TUBGCP4: variants seen among roughly 807,000 people sequenced by gnomAD.
TUBGCP4 encodes tubulin gamma complex component 4, also known as gamma-tubulin complex component 4.
In TUBGCP4, 54 loss-of-function variants were observed where a neutral mutation model predicts 91.6. That is an observed-to-expected ratio of 0.59 (90% CI 0.47 to 0.74). TUBGCP4 has a LOEUF of 0.74. Among genes scored for constraint, TUBGCP4 ranks in the 30% least tolerant of loss-of-function variants. TUBGCP4 has a pLI of 0.00. For missense variants in TUBGCP4, 593 were observed against 800.9 expected (o/e 0.74, Z 3.13); for synonymous variants, 297 against 302.8 (o/e 0.98, Z 0.20).
intron 9 of TUBGCP4, among the ~76,000 whole-genome samples, chr15:43,392,485 G>C (rs2044492663): frequency 6.6e-6 from 1 of 151,840 alleles, no homozygotes; most frequent in Admixed American, 6.6e-5. Context: ...TCTGGTTTTT[G>C]TTTGTTTGTT....
At chr15:43,390,344 G>T (rs1254045148) in intron 9 of TUBGCP4, among the ~76,000 whole-genome samples, 1 of 151,748 alleles carries the variant, frequency 6.6e-6, no homozygotes, top group Non-Finnish European at 1.5e-5. Context: ...CATAAAACAG[G>T]TATTTCTTGT....
chr15:43,394,011 T>C (rs961646686), intron 9 of TUBGCP4: 11 of 152,150 alleles, frequency 7.2e-5, no homozygotes, highest in African/African-American at 2.4e-4. Context: ...TGTTGTCGAA[T>C]TTTGAGAGTC....
Position 43,407,932 on chromosome 15 carries a change from C to G in TUBGCP4, c.*2718C>G. 1 of 1,608,798 alleles carries G rather than the reference C, an allele frequency of 6.2e-7. No homozygotes were observed. The highest frequency in any genetic ancestry group is 8.5e-7 in the Non-Finnish European group (1 of 1,179,196). On this transcript the variant is annotated 3_prime_UTR_variant, in exon 18 of 18. Transcript: ENST00000564079. Reference sequence around the variant, plus strand: ...CTGGAACAAAGACACTACACACACTCTTTCAGGTACCTTTGTTATGGGCAC... The same window carrying G: ...CTGGAACAAAGACACTACACACACTGTTTCAGGTACCTTTGTTATGGGCAC...
In TUBGCP4 at chr15:43,386,225, G is replaced by T. The variant is rs1444850401; in HGVS notation, c.909G>T (p.Gln303His). Residue 303 changes from glutamine (Q) to histidine (H), a missense_variant, in exon 9 of 18, where the codon CAG becomes CAT. Coordinates refer to ENST00000564079, the MANE Select transcript of TUBGCP4 (RefSeq NM_014444.5). ...LTRKGSILKN[Q>H]EDTFAAELHR... ...TTGCAGGATCCATTTTGAAAAACCA[G>T]GAAGACACTTTTGCTGCAGAGCTGC... The T allele has an allele frequency of 6.2e-7, 1 of 1,607,418 alleles. No homozygotes were observed. The highest frequency in any genetic ancestry group is 1.3e-5 in the African/African-American group (1 of 74,186).
chr15:43,392,718 C>T (rs916877226), intron 9 of TUBGCP4, among the ~76,000 whole-genome samples: 3 of 152,086 alleles, frequency 2.0e-5, no homozygotes, highest in East Asian at 1.9e-4. Context: ...TGGCTGATCC[C>T]GAACTGCTGA....
intron 17 of TUBGCP4, chr15:43,404,908 G>C: frequency 2.0e-6 from 1 of 501,716 alleles, no homozygotes; most frequent in Non-Finnish European, 3.5e-6. Context: ...ATCTGTGAAA[G>C]GAGGCGACCA....
In TUBGCP4 at chr15:43,405,548, A is replaced by T. The variant is rs1360323249; in HGVS notation, c.*334A>T. ...TTCAAGCTGTGGGAGATACAGCGGTAAACAAACAATATAGAGCAGAAAGTT... is the reference window on the plus strand; with the variant it reads ...TTCAAGCTGTGGGAGATACAGCGGTTAACAAACAATATAGAGCAGAAAGTT... On this transcript the variant is annotated 3_prime_UTR_variant, in exon 18 of 18. Coordinates refer to ENST00000564079, the MANE Select transcript of TUBGCP4 (RefSeq NM_014444.5). The T allele has an allele frequency of 1.3e-5, 4 of 314,636 alleles. No individual in the cohort carries two copies. The highest frequency in any genetic ancestry group is 5.9e-6 in the Non-Finnish European group (1 of 170,574). 19.5% of individuals were successfully genotyped at this position (314,636 alleles called of 1,614,324 possible).
intron 6 of TUBGCP4, among the ~76,000 whole-genome samples, chr15:43,380,633 A>C (rs891151448): frequency 3.3e-5 from 5 of 152,268 alleles, no homozygotes; most frequent in African/African-American, 1.2e-4. Context: ...TGTTCATTGC[A>C]ATGTTGTCTA....
At position 43,371,110 on chromosome 15, in the gene TUBGCP4, A is replaced by G. The variant is rs1270825181; in HGVS notation, c.-245A>G. The G allele has an allele frequency of 1.7e-6, 1 of 581,482 alleles. No homozygotes were observed. The highest frequency in any genetic ancestry group is 1.9e-5 in the African/African-American group (1 of 53,302). The allele number at this position is 581,482 out of a possible 1,614,324, so 36.0% of individuals were successfully genotyped here. A position where few individuals can be genotyped will look rare whatever the true frequency, so the allele number is the denominator to read the frequency against. On this transcript the variant is annotated 5_prime_UTR_variant, in exon 1 of 18. Transcript: ENST00000564079. Reference sequence around the variant, plus strand: ...GCAGCGACCGCGACTCAGTCTCCGCAGAGCCCGGGCGGGAGTAGCTGGTGG... The same window carrying G: ...GCAGCGACCGCGACTCAGTCTCCGCGGAGCCCGGGCGGGAGTAGCTGGTGG...
At position 43,397,286 on chromosome 15, in the gene TUBGCP4, A is replaced by G; in HGVS notation, c.1244A>G (p.His415Arg). The G allele has an allele frequency of 6.2e-7, 1 of 1,614,126 alleles. No individual in the cohort carries two copies. Among genetic ancestry groups the G allele is most frequent in the Non-Finnish European group, 8.5e-7 (1 of 1,179,994 alleles). Residue 415 changes from histidine (H) to arginine (R), a missense_variant, in exon 12 of 18, where the codon CAC (histidine) becomes CGC (arginine). Coordinates refer to ENST00000564079, the MANE Select transcript of TUBGCP4 (RefSeq NM_014444.5). ...GATGACAACCTTCTCCCTCTGTTGCACTTGACAATCGAGTATCACGGAAAG... is the reference window on the plus strand; with the variant it reads ...GATGACAACCTTCTCCCTCTGTTGCGCTTGACAATCGAGTATCACGGAAAG... ...LDDDNLLPLLHLTIEYHGKEH... is the reference protein window; with the variant it reads ...LDDDNLLPLLRLTIEYHGKEH...
At chr15:43,372,848 A>G (rs547231258) in intron 1 of TUBGCP4, among the ~76,000 whole-genome samples, 17 of 152,328 alleles carry the variant, frequency 1.1e-4, no homozygotes, top group Non-Finnish European at 2.5e-4. Flanking sequence ...GTCACAATTC[A>G]TAATGTATTG....
intron 13 of TUBGCP4, among the ~76,000 whole-genome samples, chr15:43,399,614 G>A (rs1260793816): frequency 2.6e-5 from 4 of 152,200 alleles, no homozygotes; most frequent in East Asian, 1.9e-4. Context: ...CCAAAGTGCC[G>A]GGATTATAGG....
rs903719278 is a variant in TUBGCP4, at chr15:43,406,025, A to T, written c.*811A>T. On this transcript the variant is annotated 3_prime_UTR_variant, in exon 18 of 18. Transcript: ENST00000564079. ...ATTGCATTCCAGCCCGGGCAACAAGAGCGAAATTCCGTCTCAAAAAAAAAA... is the reference window on the plus strand; with the variant it reads ...ATTGCATTCCAGCCCGGGCAACAAGTGCGAAATTCCGTCTCAAAAAAAAAA... 10 of 141,098 alleles carry T rather than the reference A, an allele frequency of 7.1e-5. No individual in the cohort carries two copies. The highest frequency in any genetic ancestry group is 2.7e-4 in the African/African-American group (10 of 37,604). The allele number at this position is 141,098 out of a possible 1,614,324, so 8.7% of individuals were successfully genotyped here. A position where few individuals can be genotyped will look rare whatever the true frequency, so the allele number is the denominator to read the frequency against.
Position 43,407,238 on chromosome 15 carries a change from ATTTAT to A in TUBGCP4, c.*2030_*2034del. The A allele has an allele frequency of 2.9e-6, 2 of 697,928 alleles. No individual in the cohort carries two copies. The highest frequency in any genetic ancestry group is 2.1e-5 in the South Asian group (1 of 48,680). 43.2% of individuals were successfully genotyped at this position (697,928 alleles called of 1,614,324 possible). ...GTTACTACAACCAAAGAGATTCAAC[ATTTAT>A]TTTATCATAAAAGTTCAGCAAATAA... is the stretch of plus-strand genomic sequence containing the variant. On this transcript the variant is annotated 3_prime_UTR_variant, in exon 18 of 18. Transcript: ENST00000564079.
At chr15:43,376,306 A>G (rs2044204253) in intron 2 of TUBGCP4, 80 bp downstream of exon 2, 7 of 1,605,676 alleles carry the variant, frequency 4.4e-6, no homozygotes, top group Non-Finnish European at 5.1e-6. Context: ...GGCAGGAGCT[A>G]TGTCAAGCTT....
rs2045018933 is a variant in TUBGCP4, at chr15:43,408,881, G to A, written c.*3667G>A. On this transcript the variant is annotated 3_prime_UTR_variant, in exon 18 of 18. Transcript: ENST00000564079. ...CCTCCTGCCTATACAATTCTGGATG[G>A]GCTTCAAATACTTACCAGTCCAGAA... is the stretch of plus-strand genomic sequence containing the variant. 1 of 1,613,432 alleles carries A rather than the reference G, an allele frequency of 6.2e-7. No individual in the cohort carries two copies. Among genetic ancestry groups the A allele is most frequent in the East Asian group, 2.2e-5 (1 of 44,868 alleles).
At chr15:43,378,191 C>T (rs190217895) in intron 5 of TUBGCP4, among the ~76,000 whole-genome samples, 5 of 152,194 alleles carry the variant, frequency 3.3e-5, no homozygotes, top group Admixed American at 6.5e-5. Flanking sequence ...GTGAGAGGAA[C>T]CTGCAGTAAG....
At chr15:43,371,743 C>G (rs1354849457) in intron 1 of TUBGCP4, among the ~76,000 whole-genome samples, 3 of 152,130 alleles carry the variant, frequency 2.0e-5, no homozygotes, top group African/African-American at 7.2e-5. Flanking sequence ...GCACTTTCTC[C>G]TATTTATTTT....
At chr15:43,391,050 T>C (rs1404774301) in intron 9 of TUBGCP4, among the ~76,000 whole-genome samples, 1 of 151,326 alleles carries the variant, frequency 6.6e-6, no homozygotes, top group Admixed American at 6.6e-5. Context: ...TTCTTCTTAC[T>C]CTTCTTACTG....
Sources: allele counts gnomAD v4.1 joint callset (sites outside exome capture counted in the v4.1 genomes callset), GRCh38; gene constraint gnomAD v4.1.1; transcripts MANE v1.5; gene names NCBI Gene and HGNC (gene_info 2026-07-23, HGNC 2026-07-21).